Variants in SUPT5H observed in about 807,000 individuals in gnomAD.
The protein encoded by SUPT5H is transcription elongation factor SPT5.
In SUPT5H, 24 loss-of-function variants were observed where a neutral mutation model predicts 142.5. The ratio of observed to expected loss-of-function variants is 0.17; its 90% CI spans 0.12 to 0.24. The LOEUF (loss-of-function observed/expected upper bound fraction) is 0.24. Ranked by LOEUF, SUPT5H falls within the 10% of genes least tolerant of loss-of-function variation. SUPT5H has a pLI of 1.00. For missense variants in SUPT5H, 893 were observed against 1,471.8 expected (o/e 0.61, Z 6.43); for synonymous variants, 546 against 553.0 (o/e 0.99, Z 0.18).
chr19:39,459,504 T>C, intron 8 of SUPT5H, 55 bp from the exon 9 acceptor site: 1 of 1,609,498 alleles, frequency 6.2e-7, no homozygotes, highest in Non-Finnish European at 8.5e-7. Flanking sequence ...GGTTCGTCTG[T>C]TTGTTACTGA....
In SUPT5H at chr19:39,476,576, A is replaced by G; in HGVS notation, c.*177A>G. On this transcript the variant is annotated 3_prime_UTR_variant, in exon 30 of 30. Coordinates refer to ENST00000432763, the MANE Select transcript of SUPT5H (RefSeq NM_001111020.3). Reference sequence around the variant, plus strand: ...CTGGTGCTCATTGGAATCTGAGTAGAGTCTGGGGGAGGGTCCCCACCTTCC... The same window carrying G: ...CTGGTGCTCATTGGAATCTGAGTAGGGTCTGGGGGAGGGTCCCCACCTTCC... 1.2e-6 allele frequency: 1 copy of G among 807,050 alleles called. No individual in the cohort carries two copies. The highest frequency in any genetic ancestry group is 2.7e-5 in the East Asian group (1 of 36,856). 50.0% of individuals were successfully genotyped at this position (807,050 alleles called of 1,614,324 possible). A position where few individuals can be genotyped will look rare whatever the true frequency, so the allele number is the denominator to read the frequency against.
intron 2 of SUPT5H, among the ~76,000 whole-genome samples, chr19:39,452,459 T>C (rs2079033094): frequency 1.3e-5 from 2 of 152,066 alleles, no homozygotes; most frequent in Admixed American, 6.6e-5. Context: ...GAAGAGGAGC[T>C]GGTGGAGTTT....
intron 8 of SUPT5H, 34 bp downstream of exon 8, chr19:39,459,283 G>T (rs1425929326): frequency 6.4e-7 from 1 of 1,554,378 alleles, no homozygotes. Context: ...GCCGTGCTGG[G>T]GTGCGAATCT....
Position 39,469,066 on chromosome 19 carries a change from G to A in SUPT5H, c.1144-13G>A, listed in dbSNP as rs754995984. On this transcript the variant is annotated splice_polypyrimidine_tract_variant and intron_variant, in intron 14 of 29. Coordinates refer to ENST00000432763, the MANE Select transcript of SUPT5H (RefSeq NM_001111020.3). The surrounding 1 kb of genome is among the most constrained non-coding windows in gnomAD (Gnocchi z 5.1). ...TCCATTTCCTTCTCTTCCCCTCACC[G>A]CTGGGGGCTTAGATCACGGAGGGTG... The A allele has an allele frequency of 7.1e-5, 115 of 1,613,976 alleles. No individual in the cohort carries two copies. The highest frequency in any genetic ancestry group is 9.4e-5 in the Non-Finnish European group (111 of 1,179,982).
chr19:39,465,828 C>T (rs1288274944), intron 11 of SUPT5H, among the ~76,000 whole-genome samples: 2 of 152,186 alleles, frequency 1.3e-5, no homozygotes, highest in African/African-American at 4.8e-5. Flanking sequence ...GGGATAGGAC[C>T]AAGACCCTAA....
chr19:39,459,164 G>C lies in SUPT5H; in HGVS notation c.459-20G>C, dbSNP rs772951279. The C allele has an allele frequency of 1.2e-6, 2 of 1,608,064 alleles. No homozygotes were observed. Among genetic ancestry groups the C allele is most frequent in the Non-Finnish European group, 1.7e-6 (2 of 1,176,988 alleles). On this transcript the variant is annotated intron_variant, in intron 7 of 29. Transcript: ENST00000432763. ...ATCTGACAGAGCTTCACCCCTTCCT[G>C]ACTGCCCTCCTCCCTTCAGGGTGTA...
At chr19:39,468,944 G>T in intron 14 of SUPT5H, 83 bp downstream of exon 14, 21 of 1,551,580 alleles carry the variant, frequency 1.4e-5, no homozygotes, top group Non-Finnish European at 1.9e-5. Flanking sequence ...GGGTTATCTG[G>T]TTCTGTCCCA....
rs775739705 is a variant in SUPT5H at position 39,468,907 on chromosome 19, TCTC to T, written c.1143+49_1143+51del. Reference sequence around the variant, plus strand: ...TTGGTAATGGGGGTGGTGTGAGTGTTCTCCTGCAGGTGATGCCCTGGGCTGTGG... The same window carrying T: ...TTGGTAATGGGGGTGGTGTGAGTGTTCTGCAGGTGATGCCCTGGGCTGTGG... On this transcript the variant is annotated intron_variant, in intron 14 of 29. Coordinates refer to ENST00000432763, the MANE Select transcript of SUPT5H (RefSeq NM_001111020.3). The T allele has an allele frequency of 2.5e-5, 39 of 1,589,240 alleles. No individual in the cohort carries two copies. In the African/African-American group the frequency reaches 4.7e-4, roughly 19 times the overall value.
intron 2 of SUPT5H, among the ~76,000 whole-genome samples, chr19:39,448,157 A>G (rs2078976493): frequency 6.6e-6 from 1 of 152,196 alleles, no homozygotes; most frequent in African/African-American, 2.4e-5. Flanking sequence ...GGCAGAGTGA[A>G]GAAAAGGAAA....
rs540232660 is a variant in SUPT5H, at chr19:39,461,113, A to G, written c.624+1153A>G. ...GAGACCAGCCTGGCCAACATGGTGA[A>G]ACCTTGTCCCTACCAAAAATACAAA... On this transcript the variant is annotated intron_variant, in intron 10 of 29. Coordinates refer to ENST00000432763, the MANE Select transcript of SUPT5H (RefSeq NM_001111020.3). 2.0e-5 allele frequency among the ~76,000 whole-genome samples: 3 copies of G among 151,826 alleles called. No homozygotes were observed. The South Asian group carries it at 6.3e-4, about 32-fold the overall frequency.
At position 39,473,427 on chromosome 19, in the gene SUPT5H, C is replaced by T; in HGVS notation, c.2398C>T (p.Pro800Ser). The T allele has an allele frequency of 6.2e-7, 1 of 1,613,532 alleles. No individual in the cohort carries two copies. Among genetic ancestry groups the T allele is most frequent in the Non-Finnish European group, 8.5e-7 (1 of 1,179,928 alleles). Reference sequence around the variant, plus strand: ...TTCCCCCATTCCAGGTAGCCGCACCCCACACTACGGCTCACAGACGCCCCT... The same window carrying T: ...TTCCCCCATTCCAGGTAGCCGCACCTCACACTACGGCTCACAGACGCCCCT... The part of the protein sequence containing the change: ...QTPLQDGSRT[P>S]HYGSQTPLHD... Residue 800 changes from proline to serine, a missense_variant, in exon 25 of 30, where the codon CCA becomes TCA. By Grantham distance (74) the Pro-to-Ser change is moderately conservative (BLOSUM62 -1). This residue lies in a region of SUPT5H where 336 missense variants were observed against 546.5 expected (regional missense o/e 0.61). Transcript: ENST00000432763. The surrounding 1 kb of genome is among the most constrained non-coding windows in gnomAD (Gnocchi z 5.8).
chr19:39,458,636 T>C lies in SUPT5H; in HGVS notation c.320-182T>C. ...TGCTGGGCCCCATCCCCAGTCTTTTTGACAAGAAGCAGGATGCTGAGTAGG... is the reference window on the plus strand; with the variant it reads ...TGCTGGGCCCCATCCCCAGTCTTTTCGACAAGAAGCAGGATGCTGAGTAGG... On this transcript the variant is annotated intron_variant, in intron 5 of 29. Coordinates refer to ENST00000432763, the MANE Select transcript of SUPT5H (RefSeq NM_001111020.3). This position sits in a 1 kb window ranked among gnomAD's most constrained non-coding sequence, Gnocchi z 4.2. 1.4e-6 allele frequency: 1 copy of C among 727,684 alleles called. No individual in the cohort carries two copies. The highest frequency in any genetic ancestry group is 2.2e-6 in the Non-Finnish European group (1 of 449,420). The allele number at this position is 727,684 out of a possible 1,614,324, so 45.1% of individuals were successfully genotyped here.
intron 2 of SUPT5H, 106 bp from the exon 3 acceptor site, chr19:39,453,250 A>C (rs1175294131): frequency 7.4e-7 from 1 of 1,353,608 alleles, no homozygotes; most frequent in East Asian, 2.5e-5. Context: ...AAAGTGGGCT[A>C]TGATTGGCCA....
At chr19:39,453,756 G>A (rs956302645) in intron 3 of SUPT5H, among the ~76,000 whole-genome samples, 16 of 152,034 alleles carry the variant, frequency 1.1e-4, no homozygotes, top group Non-Finnish European at 8.8e-5. Flanking sequence ...TAGTGGAGAC[G>A]GGGTTTCACC....
chr19:39,462,806 C>T (rs1371430229), intron 10 of SUPT5H, among the ~76,000 whole-genome samples: 1 of 149,894 alleles, frequency 6.7e-6, no homozygotes, highest in African/African-American at 2.5e-5. Context: ...GTTGGGATTA[C>T]AGGCGTGAGC....
chr19:39,448,632 C>T (rs2078982271), intron 2 of SUPT5H, among the ~76,000 whole-genome samples: 1 of 152,118 alleles, frequency 6.6e-6, no homozygotes, highest in Admixed American at 6.6e-5. Flanking sequence ...CCTGTCCCCA[C>T]TGCCAGGGAC....
rs1249001832 is a variant in SUPT5H, at chr19:39,472,524, T to C, written c.2035+31T>C. On this transcript the variant is annotated intron_variant, in intron 21 of 29. Transcript: ENST00000432763. The surrounding 1 kb of genome is among the most constrained non-coding windows in gnomAD (Gnocchi z 4.2). ...AGGGGTTCAGGGTCAGGGGATGTGGTGGGTAGAAGGGGCTGGAAGGAACTT... is the reference window on the plus strand; with the variant it reads ...AGGGGTTCAGGGTCAGGGGATGTGGCGGGTAGAAGGGGCTGGAAGGAACTT... The C allele has an allele frequency of 2.5e-6, 4 of 1,610,324 alleles. No individual in the cohort carries two copies. In the African/African-American group the frequency reaches 5.4e-5, roughly 22 times the overall value.
intron 2 of SUPT5H, 48 bp downstream of exon 2, chr19:39,446,013 T>C: frequency 6.3e-7 from 1 of 1,586,110 alleles, no homozygotes; most frequent in Non-Finnish European, 8.6e-7. Context: ...GGGACAGGAC[T>C]CCGGGCAGAA....
chr19:39,473,404 C>T lies in SUPT5H; in HGVS notation c.2387-12C>T. On this transcript the variant is annotated splice_polypyrimidine_tract_variant and intron_variant, in intron 24 of 29. Transcript: ENST00000432763. This position sits in a 1 kb window ranked among gnomAD's most constrained non-coding sequence, Gnocchi z 5.8. ...AGGGACAGGACAGACACACTCATTT[C>T]CCCCATTCCAGGTAGCCGCACCCCA... 1 of 1,613,074 alleles carries T rather than the reference C, an allele frequency of 6.2e-7. No individual in the cohort carries two copies. The highest frequency in any genetic ancestry group is 1.1e-5 in the South Asian group (1 of 91,074).
Sources: allele counts gnomAD v4.1 joint callset (sites outside exome capture counted in the v4.1 genomes callset), GRCh38; gene constraint gnomAD v4.1.1; regional missense constraint gnomAD v4.1.1; non-coding constraint Gnocchi (gnomAD v3.1); transcripts MANE v1.5; gene names NCBI Gene and HGNC (gene_info 2026-07-23, HGNC 2026-07-21).